ALLC: variants seen among roughly 807,000 people sequenced by gnomAD.
The protein encoded by ALLC is probable inactive allantoicase.
Under a neutral mutation model 45.0 loss-of-function variants are expected in ALLC, and 40 were observed. That is an observed-to-expected ratio of 0.89 (90% confidence interval 0.69 to 1.16). ALLC has a LOEUF of 1.16. ALLC is among the 50% of genes most tolerant of loss of function. The probability of loss-of-function intolerance (pLI) is 0.00; values close to 1 mark genes in which losing one functional copy is unlikely to be tolerated. For synonymous variants in ALLC, 176 were observed against 178.1 expected (o/e 0.99, Z 0.09); for missense variants, 488 against 493.1 (o/e 0.99, Z 0.10).
At chr2:3,681,484 C>T (rs887707931) in intron 5 of ALLC, 150 bp from the exon 6 acceptor site, 2 of 523,724 alleles carry the variant, frequency 3.8e-6, no homozygotes, top group Non-Finnish European at 6.7e-6. Context: ...GGAACTTCAA[C>T]AAGTGTGTCT....
chr2:3,674,006 T>C, intron 2 of ALLC, 69 bp from the exon 3 acceptor site: 1 of 1,181,254 alleles, frequency 8.5e-7, no homozygotes, highest in Non-Finnish European at 1.2e-6. Context: ...AATGTTTCAC[T>C]AGGGAATGAA....
intron 1 of ALLC, among the ~76,000 whole-genome samples, chr2:3,664,131 A>G (rs925232099): frequency 3.9e-5 from 6 of 152,220 alleles, no homozygotes; most frequent in Non-Finnish European, 7.3e-5. Flanking sequence ...TTTTTTGCCT[A>G]AAGACAAAGT....
chr2:3,683,341 GTATGT>G (rs1667249120), intron 7 of ALLC, among the ~76,000 whole-genome samples: 1 of 152,194 alleles, frequency 6.6e-6, no homozygotes, highest in South Asian at 2.1e-4. Context: ...GATTTCACAA[GTATGT>G]TATATTAGCA....
At chr2:3,647,123 T>C in the ALLC span, among the ~76,000 whole-genome samples, 5 of 152,134 alleles carry the variant, frequency 3.3e-5, no homozygotes, top group Non-Finnish European at 7.4e-5. Context: ...CCTTGAAATA[T>C]AGGGCCCCAG....
At chr2:3,651,500 G>A in the ALLC span, among the ~76,000 whole-genome samples, 1 of 149,024 alleles carries the variant, frequency 6.7e-6, no homozygotes, top group Non-Finnish European at 1.5e-5. Flanking sequence ...GGAGCAGGAG[G>A]CAGAGGCCGA....
chr2:3,690,016 CT>C (rs1558545533), intron 7 of ALLC, among the ~76,000 whole-genome samples: 1 of 146,690 alleles, frequency 6.8e-6, no homozygotes, highest in Non-Finnish European at 1.5e-5. Context: ...TACTCCTGCT[CT>C]TTTTTGGCCT....
upstream of ALLC, among the ~76,000 whole-genome samples, chr2:3,655,146 A>ATGACAGCTGC (rs1666412839): frequency 6.6e-6 from 1 of 152,238 alleles, no homozygotes; most frequent in African/African-American, 2.4e-5. Context: ...AGGTTGCACC[A>ATGACAGCTGC]TGACAGCTGC....
intron 4 of ALLC, among the ~76,000 whole-genome samples, chr2:3,678,942 C>G (rs958646298): frequency 2.0e-5 from 3 of 152,174 alleles, no homozygotes; most frequent in African/African-American, 7.2e-5. Context: ...GAAACAGATT[C>G]CTGGACTCAG....
At chr2:3,648,120 C>T in the ALLC span, among the ~76,000 whole-genome samples, 1 of 152,282 alleles carries the variant, frequency 6.6e-6, no homozygotes, top group South Asian at 2.1e-4. Flanking sequence ...CACTCCTGTG[C>T]TAGTGATGAG....
At chr2:3,651,297 T>TTGGGGGG in the ALLC span, among the ~76,000 whole-genome samples, 1 of 1,716 alleles carries the variant, frequency 5.8e-4, no homozygotes, top group African/African-American at 1.4e-3. Context: ...GAATTCTTTT[T>TTGGGGGG]GGGTGGGTGG....
the ALLC span, among the ~76,000 whole-genome samples, chr2:3,648,993 CGT>C: frequency 6.6e-6 from 1 of 152,078 alleles, no homozygotes; most frequent in South Asian, 2.1e-4. Context: ...TACCTGGCCC[CGT>C]AGAGAAGCCT....
chr2:3,688,209 G>C (rs918858467), intron 7 of ALLC: 11 of 170,472 alleles, frequency 6.5e-5, no homozygotes, highest in Admixed American at 5.1e-4. Context: ...CTGCTTCACC[G>C]CCTTTTTGAT....
intron 10 of ALLC, among the ~76,000 whole-genome samples, chr2:3,699,994 A>G (rs1409774795): frequency 6.6e-6 from 1 of 152,028 alleles, no homozygotes; most frequent in Non-Finnish European, 1.5e-5. Flanking sequence ...GAAGCTCTTT[A>G]GTTTAATTAG....
At chr2:3,677,492 C>G (rs1667054719) in intron 3 of ALLC, among the ~76,000 whole-genome samples, 1 of 152,238 alleles carries the variant, frequency 6.6e-6, no homozygotes, top group African/African-American at 2.4e-5. Flanking sequence ...ATACTGGGCA[C>G]TTACTATGTG....
chr2:3,645,942 C>T, the ALLC span, among the ~76,000 whole-genome samples: 465 of 152,276 alleles, frequency 3.1e-3, 8 homozygotes, highest in South Asian at 2.9e-3. The surrounding 1 kb of genome is among the most constrained non-coding windows in gnomAD (Gnocchi z 4.3). Context: ...GAGGCCCCGA[C>T]GGCCCTTTGT....
intron 1 of ALLC, among the ~76,000 whole-genome samples, chr2:3,664,295 TC>T (rs1402628869): frequency 6.6e-6 from 1 of 152,248 alleles, no homozygotes; most frequent in Non-Finnish European, 1.5e-5. Context: ...TGGTGGCTCC[TC>T]TGTAGGATTT....
At chr2:3,679,031 G>A (rs560469349) in intron 4 of ALLC, among the ~76,000 whole-genome samples, 71 of 152,270 alleles carry the variant, frequency 4.7e-4, no homozygotes, top group South Asian at 1.9e-3. Context: ...TGTCTTTTAC[G>A]ATTTTATGCA....
Position 3,674,227 on chromosome 2 carries a change from A to T in ALLC, c.84+102A>T. 3 of 866,440 alleles carry T rather than the reference A, an allele frequency of 3.5e-6. No individual in the cohort carries two copies. In the South Asian group the frequency reaches 4.6e-5, roughly 13 times the overall value. The allele number at this position is 866,440 out of a possible 1,614,324, so 53.7% of individuals were successfully genotyped here. Reference sequence around the variant, plus strand: ...TGTATATTTGGGATGGAGTCATGTGATGTACACTGGCAAATTAGCATATTA... The same window carrying T: ...TGTATATTTGGGATGGAGTCATGTGTTGTACACTGGCAAATTAGCATATTA... On this transcript the variant is annotated intron_variant, in intron 3 of 11. Transcript: ENST00000252505.
chr2:3,677,054 CT>C (rs1471820474), intron 3 of ALLC, among the ~76,000 whole-genome samples: 7 of 152,226 alleles, frequency 4.6e-5, no homozygotes, highest in African/African-American at 1.7e-4. Flanking sequence ...TCCCAAAGTG[CT>C]GGGATTACAG....
Sources: allele counts gnomAD v4.1 joint callset (sites outside exome capture counted in the v4.1 genomes callset), GRCh38; gene constraint gnomAD v4.1.1; non-coding constraint Gnocchi (gnomAD v3.1); transcripts MANE v1.5; gene names NCBI Gene and HGNC (gene_info 2026-07-23, HGNC 2026-07-21).